The following BAZ2B variants were observed in gnomAD, a reference collection of about 807,000 sequenced individuals.
The protein encoded by BAZ2B is bromodomain adjacent to zinc finger domain protein 2B.
A neutral mutation model predicts 246.0 loss-of-function variants in BAZ2B; 91 were observed. The observed-to-expected ratio is 0.37, with a 90% CI of 0.31 to 0.44. The LOEUF is 0.44. BAZ2B is among the 20% of genes least tolerant of loss of function. The pLI is 1.00. For missense variants in BAZ2B, 2,332 were observed against 2,533.7 expected (o/e 0.92, Z 1.71); for synonymous variants, 855 against 860.0 (o/e 0.99, Z 0.10).
intron 13 of BAZ2B, among the ~76,000 whole-genome samples, chr2:159,420,739 C>T (rs2068602233): frequency 6.6e-6 from 1 of 152,118 alleles, no homozygotes; most frequent in Non-Finnish European, 1.5e-5. Context: ...AAAAATAATG[C>T]TATTTTATTA....
Position 159,393,492 on chromosome 2 carries a change from C to A in BAZ2B, c.3075+2277G>T, listed in dbSNP as rs77146668. ...AGTATTTATGCTTAATATGTCCAGC[C>A]CTATTAATAACTTGTATTGCTCCAA... On this transcript the variant is annotated intron_variant, in intron 20 of 36. Transcript: ENST00000392783. Among the ~76,000 whole-genome samples, 76 of 152,266 alleles carry A rather than the reference C, an allele frequency of 5.0e-4. No individual in the cohort carries two copies. In the East Asian group the frequency reaches 0.012, roughly 23 times the overall value.
chr2:159,503,655 C>T (rs1377309841), intron 2 of BAZ2B, among the ~76,000 whole-genome samples: 1 of 152,104 alleles, frequency 6.6e-6, no homozygotes, highest in African/African-American at 2.4e-5. Context: ...TCTCAGCTCA[C>T]TGCAACCTCC....
chr2:159,580,825 C>T (rs1177729048), intron 1 of BAZ2B, among the ~76,000 whole-genome samples: 2 of 152,070 alleles, frequency 1.3e-5, no homozygotes, highest in South Asian at 2.1e-4. Context: ...GAAAGGATTC[C>T]CTATTTAATA....
chr2:159,544,471 T>C (rs186059341), intron 2 of BAZ2B, among the ~76,000 whole-genome samples: 4 of 152,286 alleles, frequency 2.6e-5, no homozygotes, highest in Admixed American at 2.6e-4. Flanking sequence ...GTTGATATCA[T>C]TGACTAATAC....
chr2:159,394,438 T>A (rs1412961581), intron 20 of BAZ2B, among the ~76,000 whole-genome samples: 6 of 152,140 alleles, frequency 3.9e-5, no homozygotes, highest in Non-Finnish European at 8.8e-5. Flanking sequence ...ATAGATTCAA[T>A]TATTATGTTA....
chr2:159,326,042 ATAAC>A, intron 34 of BAZ2B, 124 bp from the exon 35 acceptor site: 1 of 794,412 alleles, frequency 1.3e-6, no homozygotes, highest in Non-Finnish European at 1.8e-6. Context: ...TAGAATGTTG[ATAAC>A]TATTATTCTT....
At chr2:159,588,214 C>CAAA (rs556237766) in intron 1 of BAZ2B, among the ~76,000 whole-genome samples, 32,243 of 108,462 alleles carry the variant, frequency 0.3, 5,128 homozygotes, top group South Asian at 0.42. Context: ...GACCCTGCAT[C>CAAA]AAAAAAAAAA....
intron 4 of BAZ2B, among the ~76,000 whole-genome samples, chr2:159,449,908 C>T (rs1324626523): frequency 6.6e-6 from 1 of 152,106 alleles, no homozygotes; most frequent in Non-Finnish European, 1.5e-5. Flanking sequence ...CAGTGGTTCA[C>T]ACTTGTAATC....
At chr2:159,564,451 G>T (rs977029806) in intron 1 of BAZ2B, among the ~76,000 whole-genome samples, 3 of 152,122 alleles carry the variant, frequency 2.0e-5, no homozygotes, top group Non-Finnish European at 4.4e-5. Context: ...ATGATCTTGG[G>T]GATATGGGAG....
At chr2:159,434,129 G>A (rs989815279) in intron 8 of BAZ2B, 1 of 151,442 alleles carries the variant, frequency 6.6e-6, no homozygotes, top group African/African-American at 2.4e-5. Flanking sequence ...CCATTGTGAA[G>A]TTGAAAGATC....
At chr2:159,701,805 T>C in the BAZ2B span, among the ~76,000 whole-genome samples, 1 of 151,814 alleles carries the variant, frequency 6.6e-6, no homozygotes, top group South Asian at 2.1e-4. Context: ...CTTGGCTCAC[T>C]GCAACCTCCA....
At chr2:159,460,449 CTG>C (rs2076270594) in intron 3 of BAZ2B, 2 of 152,066 alleles carry the variant, frequency 1.3e-5, no homozygotes, top group African/African-American at 4.8e-5. Context: ...TCACGTTTTT[CTG>C]TGTGCTAAAA....
At chr2:159,571,917 C>T (rs576031250) in intron 1 of BAZ2B, among the ~76,000 whole-genome samples, 2 of 152,310 alleles carry the variant, frequency 1.3e-5, no homozygotes, top group South Asian at 4.1e-4. Context: ...GGGTGGAGCC[C>T]TTGTGGCCTA....
At chr2:159,327,464 CACTA>C (rs1385994670) in intron 34 of BAZ2B, among the ~76,000 whole-genome samples, 1 of 152,168 alleles carries the variant, frequency 6.6e-6, no homozygotes, top group East Asian at 1.9e-4. Context: ...CAACCCCTGT[CACTA>C]ACTGAAATAA....
intron 3 of BAZ2B, among the ~76,000 whole-genome samples, chr2:159,465,754 T>G (rs1282765850): frequency 1.3e-5 from 2 of 152,042 alleles, no homozygotes; most frequent in African/African-American, 4.8e-5. Context: ...AAACCCTGTC[T>G]CTACCAAAAA....
intron 2 of BAZ2B, among the ~76,000 whole-genome samples, chr2:159,531,511 G>A (rs889481233): frequency 1.3e-5 from 2 of 151,960 alleles, no homozygotes; most frequent in African/African-American, 4.8e-5. Flanking sequence ...GAAATGTGAT[G>A]ACAACTATTT....
At chr2:159,481,411 A>G (rs1022851283) in intron 2 of BAZ2B, among the ~76,000 whole-genome samples, 1 of 151,214 alleles carries the variant, frequency 6.6e-6, no homozygotes, top group Non-Finnish European at 1.5e-5. Context: ...CCTAGAACTT[A>G]AAGTATAATA....
At chr2:159,696,950 C>G in the BAZ2B span, among the ~76,000 whole-genome samples, 3 of 152,120 alleles carry the variant, frequency 2.0e-5, no homozygotes, top group African/African-American at 7.2e-5. Context: ...CCACACTCGG[C>G]TAATTGTTGT....
intron 13 of BAZ2B, among the ~76,000 whole-genome samples, chr2:159,425,149 G>C (rs1005675806): frequency 3.9e-5 from 6 of 152,078 alleles, no homozygotes; most frequent in Non-Finnish European, 8.8e-5. Context: ...CAAAGAATAG[G>C]GGTATTTAGT....
Sources: allele counts gnomAD v4.1 joint callset (sites outside exome capture counted in the v4.1 genomes callset), GRCh38; gene constraint gnomAD v4.1.1; transcripts MANE v1.5; gene names NCBI Gene and HGNC (gene_info 2026-07-23, HGNC 2026-07-21).